Variants in GRM1 observed in about 807,000 individuals in gnomAD.
GRM1 encodes metabotropic glutamate receptor 1.
A neutral mutation model predicts 90.9 loss-of-function variants in GRM1; 33 were observed. The ratio of observed to expected loss-of-function variants is 0.36; its 90% CI spans 0.28 to 0.49. The LOEUF (loss-of-function observed/expected upper bound fraction) is 0.49. Ranked by LOEUF, GRM1 falls within the 20% of genes least tolerant of loss-of-function variation. The pLI, the probability that GRM1 is intolerant of heterozygous loss-of-function variation, is 0.99. For missense variants in GRM1, 1,190 were observed against 1,534.3 expected (o/e 0.78, Z 3.75); for synonymous variants, 700 against 613.2 (o/e 1.14, Z -2.09).
At chr6:146,220,213 G>T (rs754473205) in intron 2 of GRM1, among the ~76,000 whole-genome samples, 100 of 152,272 alleles carry the variant, frequency 6.6e-4, no homozygotes, top group Middle Eastern at 3.4e-3. Context: ...ATGGAAAGCA[G>T]TGTAAATATA....
At chr6:146,055,530 T>C (rs1775454363) in intron 1 of GRM1, among the ~76,000 whole-genome samples, 1 of 152,152 alleles carries the variant, frequency 6.6e-6, no homozygotes, top group Admixed American at 6.6e-5. Context: ...TTATTCTTTC[T>C]TTTATAGATA....
At chr6:146,221,979 G>A (rs1413462159) in intron 2 of GRM1, among the ~76,000 whole-genome samples, 2 of 152,162 alleles carry the variant, frequency 1.3e-5, no homozygotes, top group African/African-American at 4.8e-5. Context: ...CCACACAAAA[G>A]TAGGCTCTGA....
In GRM1 at chr6:146,234,132, A is replaced by G. The variant is rs748606948; in HGVS notation, c.951-70479A>G. On this transcript the variant is annotated intron_variant, in intron 2 of 7. Coordinates refer to ENST00000282753, the MANE Select transcript of GRM1 (RefSeq NM_001278064.2). ...ACTTGATTTCTTTTTATGGCTGAATATTATTTCACATTTTGTTTATTCAGT... is the reference window on the plus strand; with the variant it reads ...ACTTGATTTCTTTTTATGGCTGAATGTTATTTCACATTTTGTTTATTCAGT... Among the ~76,000 whole-genome samples, 158 of 151,938 alleles carry G rather than the reference A, an allele frequency of 1.0e-3. 5 individuals are homozygous for G. Among genetic ancestry groups the G allele is most frequent in the Non-Finnish European group, 2.6e-4 (18 of 67,930 alleles).
At chr6:146,080,852 G>C (rs1489420329) in intron 1 of GRM1, among the ~76,000 whole-genome samples, 5 of 152,230 alleles carry the variant, frequency 3.3e-5, no homozygotes, top group Admixed American at 6.5e-5. Context: ...ATCCCCCAAA[G>C]GATGGGGACA....
At position 146,120,302 on chromosome 6, in the gene GRM1, T is replaced by G. The variant is rs182629061; in HGVS notation, c.701-39046T>G. Among the ~76,000 whole-genome samples the G allele has an allele frequency of 3.9e-3, 600 of 152,370 alleles. 17 individuals carry two copies. The East Asian group carries it at 0.069, about 17-fold the overall frequency. On this transcript the variant is annotated intron_variant, in intron 1 of 7. Coordinates refer to ENST00000282753, the MANE Select transcript of GRM1 (RefSeq NM_001278064.2). ...ACATTGATTTTGTATCCTGAGACTT[T>G]GCTGAAGTTGCCTATCAGCTTAAGG...
At chr6:146,116,103 G>A (rs970008811) in intron 1 of GRM1, among the ~76,000 whole-genome samples, 5 of 151,882 alleles carry the variant, frequency 3.3e-5, no homozygotes, top group South Asian at 2.1e-4. Context: ...AGCATATGCC[G>A]TGATGCTTGG....
chr6:146,251,811 G>T (rs939316306), intron 2 of GRM1, among the ~76,000 whole-genome samples: 1 of 152,158 alleles, frequency 6.6e-6, no homozygotes. Context: ...TCCACTGATG[G>T]CATCTTTCAA....
At position 146,365,963 on chromosome 6, in the gene GRM1, C is replaced by T. The variant is rs540164138; in HGVS notation, c.1602+8269C>T. ...TTTGGTCCCTGGACATTTCCCTTGCCTCATCTTGGTTTCTCCCCTGTGACC... is the reference window on the plus strand; with the variant it reads ...TTTGGTCCCTGGACATTTCCCTTGCTTCATCTTGGTTTCTCCCCTGTGACC... On this transcript the variant is annotated intron_variant, in intron 5 of 7. Transcript: ENST00000282753. Among the ~76,000 whole-genome samples, 3 of 152,230 alleles carry T rather than the reference C, an allele frequency of 2.0e-5. No homozygotes were observed. The East Asian group carries it at 5.8e-4, about 29-fold the overall frequency.
intron 2 of GRM1, among the ~76,000 whole-genome samples, chr6:146,265,889 T>TA (rs979457803): frequency 3.3e-5 from 5 of 151,990 alleles, no homozygotes; most frequent in African/African-American, 4.8e-5. Flanking sequence ...GTTAACTATT[T>TA]AAAAAAAATA....
chr6:146,223,668 G>A (rs1780145571), intron 2 of GRM1, among the ~76,000 whole-genome samples: 1 of 151,970 alleles, frequency 6.6e-6, no homozygotes, highest in Non-Finnish European at 1.5e-5. Context: ...AAAAAGCAAA[G>A]CAATTTCATT....
At chr6:146,323,449 A>T (rs1251869668) in intron 3 of GRM1, among the ~76,000 whole-genome samples, 1 of 151,362 alleles carries the variant, frequency 6.6e-6, no homozygotes, top group East Asian at 1.9e-4. Context: ...TTGTTTTTTT[A>T]CTTGTAAATT....
At chr6:146,182,873 T>C (rs1416031652) in intron 2 of GRM1, among the ~76,000 whole-genome samples, 1 of 152,120 alleles carries the variant, frequency 6.6e-6, no homozygotes, top group Non-Finnish European at 1.5e-5. Flanking sequence ...CTCATAAAAT[T>C]AGTAACAGAA....
chr6:146,163,019 G>T (rs1428258531), intron 2 of GRM1, among the ~76,000 whole-genome samples: 2 of 151,970 alleles, frequency 1.3e-5, no homozygotes, highest in Non-Finnish European at 2.9e-5. Context: ...ACTAATCTAA[G>T]ATCAGTAGGG....
intron 1 of GRM1, among the ~76,000 whole-genome samples, chr6:146,152,151 G>T (rs1262877158): frequency 1.3e-5 from 2 of 152,060 alleles, no homozygotes; most frequent in African/African-American, 4.8e-5. Context: ...TCTTGTAGGG[G>T]TATGCCAGAG....
At chr6:146,098,528 T>C (rs982685174) in intron 1 of GRM1, among the ~76,000 whole-genome samples, 11 of 152,200 alleles carry the variant, frequency 7.2e-5, no homozygotes, top group Non-Finnish European at 1.5e-4. Flanking sequence ...TGTTTTGCGT[T>C]AGATGTATAA....
At chr6:146,417,102 T>G (rs1472484216) in intron 7 of GRM1, among the ~76,000 whole-genome samples, 1 of 152,178 alleles carries the variant, frequency 6.6e-6, no homozygotes, top group Non-Finnish European at 1.5e-5. Flanking sequence ...TGCCTCTTAG[T>G]TAAGACTCTC....
chr6:146,049,136 C>A (rs532799985), intron 1 of GRM1, among the ~76,000 whole-genome samples: 1 of 152,048 alleles, frequency 6.6e-6, no homozygotes, highest in Non-Finnish European at 1.5e-5. Flanking sequence ...CTCCCCCTAC[C>A]ATGTGAACCA....
chr6:146,098,239 T>C (rs924694848), intron 1 of GRM1, among the ~76,000 whole-genome samples: 4 of 152,180 alleles, frequency 2.6e-5, no homozygotes, highest in Admixed American at 2.6e-4. Context: ...AACTTTAGAA[T>C]GTATGATCAA....
intron 2 of GRM1, among the ~76,000 whole-genome samples, chr6:146,172,438 G>A (rs755976816): frequency 9.2e-5 from 14 of 152,146 alleles, no homozygotes; most frequent in Non-Finnish European, 1.9e-4. Flanking sequence ...TCTCTTTGCC[G>A]AATGTATTCA....
Sources: gnomAD v4.1 joint callset for allele counts (sites outside exome capture counted in the v4.1 genomes callset) on GRCh38, gnomAD v4.1.1 for gene constraint, MANE v1.5 for transcripts, NCBI Gene and HGNC (gene_info 2026-07-23, HGNC 2026-07-21) for gene names.